MCU: variants seen among roughly 807,000 people sequenced by gnomAD.
MCU encodes calcium uniporter protein, mitochondrial.
Under a neutral mutation model 45.2 loss-of-function variants are expected in MCU, and 12 were observed. The observed-to-expected ratio is 0.27, with a 90% confidence interval of 0.17 to 0.43. The LOEUF is 0.43. MCU is among the 20% of genes least tolerant of loss of function. The pLI is 1.00. For synonymous variants in MCU, 160 were observed against 165.1 expected (o/e 0.97, Z 0.24); for missense variants, 324 against 436.7 (o/e 0.74, Z 2.30).
intron 2 of MCU, among the ~76,000 whole-genome samples, chr10:72,835,261 C>T (rs1844940187): frequency 6.6e-6 from 1 of 152,128 alleles, no homozygotes; most frequent in Non-Finnish European, 1.5e-5. Flanking sequence ...GGATCCAAAC[C>T]TTTGTTGTTT....
chr10:72,884,564 T>G, intron 7 of MCU, 182 bp downstream of exon 7: 2 of 499,520 alleles, frequency 4.0e-6, no homozygotes, highest in Non-Finnish European at 7.1e-6. Context: ...CTCTAGAAAG[T>G]TTTATAAAAA....
At chr10:72,698,889 G>C (rs1276033382) in intron 1 of MCU, among the ~76,000 whole-genome samples, 1 of 152,054 alleles carries the variant, frequency 6.6e-6, no homozygotes, top group African/African-American at 2.4e-5. Flanking sequence ...CCGCAGCCTT[G>C]AACTCCTGGG....
intron 1 of MCU, among the ~76,000 whole-genome samples, chr10:72,752,114 C>G (rs1843509638): frequency 6.6e-6 from 1 of 152,188 alleles, no homozygotes; most frequent in South Asian, 2.1e-4. Flanking sequence ...GCTGGGATTA[C>G]AGGTGTGAGC....
chr10:72,798,178 A>G (rs1316854594), intron 1 of MCU, among the ~76,000 whole-genome samples: 1 of 152,202 alleles, frequency 6.6e-6, no homozygotes, highest in Admixed American at 6.5e-5. Context: ...AGAAAATAAA[A>G]CTGTACATAA....
chr10:72,789,385 C>T (rs1564557149), intron 1 of MCU, among the ~76,000 whole-genome samples: 1 of 152,082 alleles, frequency 6.6e-6, no homozygotes, highest in Non-Finnish European at 1.5e-5. Flanking sequence ...TATAATATAA[C>T]ATTCCCAAAA....
chr10:72,746,539 G>GCC (rs1309641338), intron 1 of MCU, among the ~76,000 whole-genome samples: 1 of 152,190 alleles, frequency 6.6e-6, no homozygotes, highest in Admixed American at 6.5e-5. Context: ...TAAGCAGCAA[G>GCC]CCCAAGTCTG....
intron 1 of MCU, among the ~76,000 whole-genome samples, chr10:72,763,697 A>G (rs1410552205): frequency 6.6e-6 from 1 of 152,054 alleles, no homozygotes; most frequent in Non-Finnish European, 1.5e-5. Flanking sequence ...ACTTGATTAG[A>G]TTTCACTTTA....
intron 1 of MCU, among the ~76,000 whole-genome samples, chr10:72,759,753 A>C (rs1843628559): frequency 3.9e-5 from 6 of 152,254 alleles, no homozygotes; most frequent in Admixed American, 3.3e-4. Flanking sequence ...ACAGAGGTTA[A>C]ATGAAGTCAT....
At chr10:72,693,154 G>C (rs1437305773) in intron 1 of MCU, 1 of 1,317,590 alleles carries the variant, frequency 7.6e-7, no homozygotes, top group South Asian at 1.3e-5. Context: ...GAGGATTTCT[G>C]TTTGAACACT....
intron 1 of MCU, among the ~76,000 whole-genome samples, chr10:72,761,449 A>G (rs766218419): frequency 1.1e-4 from 17 of 152,178 alleles, no homozygotes; most frequent in Non-Finnish European, 2.2e-4. Flanking sequence ...AAACGAAGTT[A>G]TCTTATGGCC....
chr10:72,879,311 A>G (rs1845665118), intron 6 of MCU, among the ~76,000 whole-genome samples: 3 of 152,206 alleles, frequency 2.0e-5, no homozygotes, highest in African/African-American at 7.2e-5. Context: ...TATTGGTAGT[A>G]AAACTTCAAA....
intron 1 of MCU, among the ~76,000 whole-genome samples, chr10:72,769,647 T>G (rs1341058748): frequency 6.6e-6 from 1 of 152,160 alleles, no homozygotes; most frequent in Non-Finnish European, 1.5e-5. Flanking sequence ...TTCACCCATT[T>G]AAAATGTAAC....
chr10:72,840,746 A>G (rs1481512322), intron 2 of MCU, among the ~76,000 whole-genome samples: 1 of 152,226 alleles, frequency 6.6e-6, no homozygotes, highest in African/African-American at 2.4e-5. Flanking sequence ...AAAGTTGTGA[A>G]AACAGAAGCA....
intron 1 of MCU, among the ~76,000 whole-genome samples, chr10:72,726,325 C>T (rs1843101935): frequency 1.3e-5 from 2 of 151,200 alleles, no homozygotes; most frequent in Admixed American, 1.3e-4. Flanking sequence ...TGCATTCTTT[C>T]CTGTATTTTG....
At chr10:72,760,202 G>T (rs903731550) in intron 1 of MCU, among the ~76,000 whole-genome samples, 1 of 151,986 alleles carries the variant, frequency 6.6e-6, no homozygotes, top group Non-Finnish European at 1.5e-5. Flanking sequence ...ATACCATGAT[G>T]CCGGGCTAAT....
chr10:72,844,524 A>G (rs1386481541), intron 2 of MCU, among the ~76,000 whole-genome samples: 1 of 152,094 alleles, frequency 6.6e-6, no homozygotes, highest in Non-Finnish European at 1.5e-5. Flanking sequence ...AGCCCTGATC[A>G]TGCCACTGCA....
At chr10:72,837,710 A>G (rs916299155) in intron 2 of MCU, among the ~76,000 whole-genome samples, 1 of 152,228 alleles carries the variant, frequency 6.6e-6, no homozygotes, top group African/African-American at 2.4e-5. Flanking sequence ...TATGGTTTAT[A>G]CTTACTTGAA....
At chr10:72,864,581 CAGTAT>C (rs1157294694) in intron 4 of MCU, among the ~76,000 whole-genome samples, 3 of 152,138 alleles carry the variant, frequency 2.0e-5, no homozygotes, top group African/African-American at 7.2e-5. Context: ...TGTAAGAATA[CAGTAT>C]ATAATACATA....
intron 1 of MCU, among the ~76,000 whole-genome samples, chr10:72,765,664 C>T (rs191430901): frequency 1.3e-5 from 2 of 151,322 alleles, no homozygotes; most frequent in African/African-American, 2.4e-5. Context: ...CATGGTGGCA[C>T]GTATCTCTGG....
Sources: gnomAD v4.1 joint callset for allele counts (sites outside exome capture counted in the v4.1 genomes callset) on GRCh38, gnomAD v4.1.1 for gene constraint, MANE v1.5 for transcripts, NCBI Gene and HGNC (gene_info 2026-07-23, HGNC 2026-07-21) for gene names.